The following HEMK2 variants were observed in gnomAD, a reference collection of about 807,000 sequenced individuals.
HEMK2 encodes the protein HemK methyltransferase 2, ETF1 glutamine and histone H4 lysine, also known as methyltransferase HEMK2.
chr21:28,714,018 G>T, the HEMK2 span, among the ~76,000 whole-genome samples: 2 of 152,178 alleles, frequency 1.3e-5, no homozygotes, highest in Non-Finnish European at 2.9e-5. Flanking sequence ...TTGAGCAGAC[G>T]CTCCTGACCA....
the HEMK2 span, among the ~76,000 whole-genome samples, chr21:28,670,649 C>A: frequency 6.6e-6 from 1 of 152,184 alleles, no homozygotes; most frequent in Admixed American, 6.5e-5. Flanking sequence ...TCCGTTTTCA[C>A]ACTGCTACAA....
At chr21:28,681,540 G>T in the HEMK2 span, among the ~76,000 whole-genome samples, 1 of 151,844 alleles carries the variant, frequency 6.6e-6, no homozygotes, top group Non-Finnish European at 1.5e-5. Flanking sequence ...TCACAGAATT[G>T]GAAAAAAATA....
At chr21:28,823,711 C>T in the HEMK2 span, among the ~76,000 whole-genome samples, 1 of 152,170 alleles carries the variant, frequency 6.6e-6, no homozygotes. Context: ...AAGTAGCCCG[C>T]AAATCCTAGG....
the HEMK2 span, among the ~76,000 whole-genome samples, chr21:28,654,442 T>C: frequency 6.6e-6 from 1 of 152,062 alleles, no homozygotes; most frequent in East Asian, 1.9e-4. Context: ...CTCTGACAAG[T>C]AGTATCTTTT....
At chr21:28,851,915 A>G in the HEMK2 span, among the ~76,000 whole-genome samples, 1 of 152,180 alleles carries the variant, frequency 6.6e-6, no homozygotes, top group Non-Finnish European at 1.5e-5. Flanking sequence ...TTATTTGCCA[A>G]GTACCTGGTA....
chr21:28,876,879 T>C, the HEMK2 span, among the ~76,000 whole-genome samples: 3 of 151,846 alleles, frequency 2.0e-5, no homozygotes, highest in Non-Finnish European at 4.4e-5. Context: ...AATAGTGACA[T>C]TGCACAGTGA....
the HEMK2 span, among the ~76,000 whole-genome samples, chr21:28,814,565 G>T: frequency 6.6e-6 from 1 of 151,168 alleles, no homozygotes. Flanking sequence ...CAAAAAGTGG[G>T]CGAAGGATAT....
the HEMK2 span, among the ~76,000 whole-genome samples, chr21:28,729,182 G>A: frequency 3.3e-5 from 5 of 152,148 alleles, no homozygotes; most frequent in African/African-American, 4.8e-5. Flanking sequence ...GGGCAGGTGC[G>A]AAAGCCTGTT....
chr21:28,706,573 C>T, the HEMK2 span, among the ~76,000 whole-genome samples: 2 of 152,138 alleles, frequency 1.3e-5, no homozygotes, highest in East Asian at 1.9e-4. Flanking sequence ...AATATTGAGG[C>T]TTCTCTTTAA....
chr21:28,613,616 A>ATTTTT, the HEMK2 span, among the ~76,000 whole-genome samples: 6 of 47,022 alleles, frequency 1.3e-4, no homozygotes, highest in African/African-American at 2.0e-4. Context: ...CTTTCTGCAT[A>ATTTTT]TTCTTTTTTT....
chr21:28,842,606 C>G, the HEMK2 span, among the ~76,000 whole-genome samples: 8 of 152,092 alleles, frequency 5.3e-5, no homozygotes, highest in African/African-American at 1.9e-4. Flanking sequence ...CTACCCAAAG[C>G]CATTACTCCT....
chr21:28,692,828 G>GAA, the HEMK2 span, among the ~76,000 whole-genome samples: 2 of 151,962 alleles, frequency 1.3e-5, no homozygotes, highest in African/African-American at 4.8e-5. Flanking sequence ...CAATAAAATG[G>GAA]AAAAAAGTAT....
chr21:28,792,620 A>G, the HEMK2 span, among the ~76,000 whole-genome samples: 7 of 152,182 alleles, frequency 4.6e-5, no homozygotes, highest in Non-Finnish European at 7.3e-5. Flanking sequence ...TGTGACTTCC[A>G]CAAGAATCCC....
At chr21:28,878,195 GGTT>G in the HEMK2 span, 1 of 1,573,554 alleles carries the variant, frequency 6.4e-7, no homozygotes, top group South Asian at 1.2e-5. Flanking sequence ...GTATTACCTG[GGTT>G]GTTTTCTTTA....
the HEMK2 span, among the ~76,000 whole-genome samples, chr21:28,609,535 T>A: frequency 7.6e-6 from 1 of 131,086 alleles, no homozygotes; most frequent in African/African-American, 2.9e-5. Flanking sequence ...CAGCAATGGA[T>A]TTAAACCAAG....
the HEMK2 span, among the ~76,000 whole-genome samples, chr21:28,605,142 C>A: frequency 6.6e-6 from 1 of 152,238 alleles, no homozygotes; most frequent in African/African-American, 2.4e-5. Flanking sequence ...CACCTCCACA[C>A]AGCCAAGGCA....
the HEMK2 span, among the ~76,000 whole-genome samples, chr21:28,584,810 G>T: frequency 6.6e-6 from 1 of 151,784 alleles, no homozygotes; most frequent in Non-Finnish European, 1.5e-5. Flanking sequence ...GATGAAAAAG[G>T]GCACAACCGA....
the HEMK2 span, among the ~76,000 whole-genome samples, chr21:28,775,087 C>A: frequency 6.6e-6 from 1 of 152,160 alleles, no homozygotes; most frequent in Non-Finnish European, 1.5e-5. Context: ...ATTCGGTTTT[C>A]ATTTAATATT....
chr21:28,882,970 A>G, the HEMK2 span: 194 of 1,517,346 alleles, frequency 1.3e-4, 1 homozygote, highest in Non-Finnish European at 2.5e-5. Flanking sequence ...ATCTAGATGA[A>G]TATGATATAC....
Sources: gnomAD v4.1 joint callset for allele counts (sites outside exome capture counted in the v4.1 genomes callset) on GRCh38, gnomAD v4.1.1 for gene constraint, MANE v1.5 for transcripts, NCBI Gene and HGNC (gene_info 2026-07-23, HGNC 2026-07-21) for gene names.